PEX13: variants seen among roughly 807,000 people sequenced by gnomAD.
The protein encoded by PEX13 is peroxisome biogenesis factor 13.
A neutral mutation model predicts 34.5 loss-of-function variants in PEX13; 28 were observed. The observed-to-expected ratio is 0.81, with a 90% CI of 0.60 to 1.11. The LOEUF is 1.11. PEX13 is among the 50% of genes most tolerant of loss of function. PEX13 has a pLI of 0.00. For synonymous variants in PEX13, 177 were observed against 175.1 expected (o/e 1.01, Z -0.09); for missense variants, 550 against 491.0 (o/e 1.12, Z -1.13).
In PEX13 at chr2:61,045,643, T is replaced by C. The variant is rs2104812632; in HGVS notation, c.788-83T>C. ...GAGGACTTTTCTCTTGGCAAATTTA[T>C]GCAGTTTGCAAGCCATAGCCAGTGA... On this transcript the variant is annotated intron_variant, in intron 2 of 3. Coordinates refer to ENST00000295030, the MANE Select transcript of PEX13 (RefSeq NM_002618.4). The C allele has an allele frequency of 4.0e-6, 5 of 1,246,066 alleles. 1 individual carries two copies. The highest frequency in any genetic ancestry group is 2.4e-5 in the South Asian group (2 of 81,850). The allele number at this position is 1,246,066 out of a possible 1,614,324, so 77.2% of individuals were successfully genotyped here. A position where few individuals can be genotyped will look rare whatever the true frequency, so the allele number is the denominator to read the frequency against.
At position 61,045,615 on chromosome 2, in the gene PEX13, G is replaced by A. The variant is rs1248090218; in HGVS notation, c.788-111G>A. 3.7e-6 allele frequency: 3 copies of A among 814,726 alleles called. No homozygotes were observed. In the African/African-American group the frequency reaches 5.1e-5, roughly 14 times the overall value. 50.5% of individuals were successfully genotyped at this position (814,726 alleles called of 1,614,324 possible). ...TATTCATTATAGTTTTTACTTGGGA[G>A]GGGAGGACTTTTCTCTTGGCAAATT... On this transcript the variant is annotated intron_variant, in intron 2 of 3. Coordinates refer to ENST00000295030, the MANE Select transcript of PEX13 (RefSeq NM_002618.4).
chr2:61,042,883 C>G (rs1238227501), intron 2 of PEX13, among the ~76,000 whole-genome samples: 1 of 152,104 alleles, frequency 6.6e-6, no homozygotes, highest in Non-Finnish European at 1.5e-5. Flanking sequence ...TAAAATAAGA[C>G]AAATGATTTG....
intron 1 of PEX13, among the ~76,000 whole-genome samples, chr2:61,024,299 T>A (rs931346169): frequency 6.6e-6 from 1 of 152,250 alleles, no homozygotes; most frequent in Non-Finnish European, 1.5e-5. Context: ...CAGAAAACTT[T>A]AAGCCATTAT....
At chr2:61,022,725 G>C (rs2104796759) in intron 1 of PEX13, among the ~76,000 whole-genome samples, 1 of 152,264 alleles carries the variant, frequency 6.6e-6, no homozygotes, top group Non-Finnish European at 1.5e-5. Flanking sequence ...AAATTGGCCA[G>C]GTGTAGTGGT....
intron 1 of PEX13, among the ~76,000 whole-genome samples, chr2:61,025,269 C>G (rs1380407131): frequency 6.6e-6 from 1 of 151,876 alleles, no homozygotes; most frequent in Non-Finnish European, 1.5e-5. Context: ...CGGGGTTTCA[C>G]CATCTTGGCC....
chr2:61,035,575 A>G (rs549517262), intron 2 of PEX13, among the ~76,000 whole-genome samples: 1 of 152,360 alleles, frequency 6.6e-6, no homozygotes, highest in South Asian at 2.1e-4. Context: ...AAAACCTTGA[A>G]AAAAGGTTAG....
At chr2:61,031,344 G>A (rs1573553113) in intron 1 of PEX13, 75 bp from the exon 2 acceptor site, 1 of 1,031,250 alleles carries the variant, frequency 9.7e-7, no homozygotes, top group South Asian at 1.3e-5. Context: ...AGGTATATAG[G>A]AGATGTTTAA....
Position 61,048,880 on chromosome 2 carries a change from T to C in PEX13, c.*110T>C. 2.1e-6 allele frequency: 2 copies of C among 934,956 alleles called. No individual in the cohort carries two copies. The highest frequency in any genetic ancestry group is 3.3e-6 in the Non-Finnish European group (2 of 601,292). 57.9% of individuals were successfully genotyped at this position (934,956 alleles called of 1,614,324 possible). On this transcript the variant is annotated 3_prime_UTR_variant, in exon 4 of 4. Transcript: ENST00000295030. ...AATGAAAACATTTGTTATTGGCTATTTCAGGTGTTTTGCTGCTAGAAATTA... is the reference window on the plus strand; with the variant it reads ...AATGAAAACATTTGTTATTGGCTATCTCAGGTGTTTTGCTGCTAGAAATTA...
chr2:61,029,034 G>A (rs1220182650), intron 1 of PEX13, among the ~76,000 whole-genome samples: 3 of 151,730 alleles, frequency 2.0e-5, no homozygotes, highest in Admixed American at 6.6e-5. Context: ...AAAGTTAGCC[G>A]GGAGTGGTGG....
chr2:61,039,330 C>A (rs930370296), intron 2 of PEX13, among the ~76,000 whole-genome samples: 1 of 152,152 alleles, frequency 6.6e-6, no homozygotes, highest in African/African-American at 2.4e-5. Context: ...CATCACACTA[C>A]CTGACTTCAA....
At chr2:61,018,373 A>G (rs1680155702) in intron 1 of PEX13, 1 of 1,475,954 alleles carries the variant, frequency 6.8e-7, no homozygotes, top group African/African-American at 1.4e-5. Flanking sequence ...AGTGTTTCGG[A>G]TCGAGATTGG....
In PEX13 at chr2:61,048,717, G is replaced by A. The variant is rs746039713; in HGVS notation, c.1159G>A (p.Val387Ile). ...ATCTGTTTTTGTTGAAACTAATAAG[G>A]TTCCAGTTGCACCTGATTCCATTGG... is the stretch of plus-strand genomic sequence containing the variant. ...FESVFVETNKVPVAPDSIGKD... is the reference protein window; with the variant it reads ...FESVFVETNKIPVAPDSIGKD... The change falls in exon 4 of 4, where the codon GTT (valine) becomes ATT (isoleucine). Residue 387 changes from valine (V) to isoleucine (I), a missense_variant. Transcript: ENST00000295030. The A allele has an allele frequency of 1.2e-6, 2 of 1,613,910 alleles. No individual in the cohort carries two copies. Among genetic ancestry groups the A allele is most frequent in the South Asian group, 2.2e-5 (2 of 91,072 alleles).
intron 1 of PEX13, among the ~76,000 whole-genome samples, chr2:61,023,329 T>A (rs1162056793): frequency 6.6e-6 from 1 of 152,076 alleles, no homozygotes; most frequent in Non-Finnish European, 1.5e-5. Context: ...ATAGGCAGAC[T>A]GCCTTCTCCT....
At chr2:61,029,086 C>G (rs1434832619) in intron 1 of PEX13, among the ~76,000 whole-genome samples, 1 of 146,734 alleles carries the variant, frequency 6.8e-6, no homozygotes, top group Non-Finnish European at 1.5e-5. Context: ...ATTACTTGAG[C>G]TGTGTTTGCG....
At chr2:61,034,079 C>T (rs1014951026) in intron 2 of PEX13, among the ~76,000 whole-genome samples, 3 of 152,112 alleles carry the variant, frequency 2.0e-5, no homozygotes, top group East Asian at 3.9e-4. Context: ...TTACTGCAAC[C>T]TCCACCTCCT....
rs1233668666 is a variant in PEX13 at position 61,049,316 on chromosome 2, G to A, written c.*546G>A. On this transcript the variant is annotated 3_prime_UTR_variant, in exon 4 of 4. Coordinates refer to ENST00000295030, the MANE Select transcript of PEX13 (RefSeq NM_002618.4). The stretch of plus-strand genomic sequence containing the variant: ...ACAACTGACACTGCTATCTTTTACT[G>A]TATTTTTAAAAATTTAATTTGAAAA... The A allele has an allele frequency of 1.3e-5, 2 of 152,418 alleles. No homozygotes were observed. The highest frequency in any genetic ancestry group is 1.3e-4 in the Admixed American group (2 of 15,288). The allele number at this position is 152,418 out of a possible 1,614,324, so 9.4% of individuals were successfully genotyped here. A position where few individuals can be genotyped will look rare whatever the true frequency, so the allele number is the denominator to read the frequency against.
intron 2 of PEX13, among the ~76,000 whole-genome samples, chr2:61,042,009 A>G (rs920870090): frequency 6.6e-6 from 1 of 152,262 alleles, no homozygotes; most frequent in African/African-American, 2.4e-5. Context: ...CTCTTAGAGC[A>G]GGGGTTGGCA....
chr2:61,027,335 T>C (rs1680374991), intron 1 of PEX13, among the ~76,000 whole-genome samples: 1 of 132,460 alleles, frequency 7.5e-6, no homozygotes. Context: ...TGAGACTCTG[T>C]CTCAAAAAAA....
intron 1 of PEX13, among the ~76,000 whole-genome samples, chr2:61,023,155 C>T (rs912022191): frequency 1.3e-5 from 2 of 151,890 alleles, no homozygotes; most frequent in African/African-American, 4.8e-5. Flanking sequence ...CAGGTGCATG[C>T]CACCATGCCC....
Sources: gnomAD v4.1 joint callset for allele counts (sites outside exome capture counted in the v4.1 genomes callset) on GRCh38, gnomAD v4.1.1 for gene constraint, MANE v1.5 for transcripts, NCBI Gene and HGNC (gene_info 2026-07-23, HGNC 2026-07-21) for gene names.